The following FMN1 variants were observed in gnomAD, a reference collection of about 807,000 sequenced individuals.
FMN1 encodes the protein formin 1.
A neutral mutation model predicts 132.4 loss-of-function variants in FMN1; 110 were observed. That is an observed-to-expected ratio of 0.83 (90% CI 0.71 to 0.97). The LOEUF is 0.97. Among genes scored for constraint, FMN1 ranks in the 50% least tolerant of loss-of-function variants. FMN1 has a pLI of 0.00. For missense variants in FMN1, 1,792 were observed against 1,705.3 expected (o/e 1.05, Z -0.90); for synonymous variants, 722 against 651.7 (o/e 1.11, Z -1.64).
intron 19 of FMN1, among the ~76,000 whole-genome samples, chr15:32,784,243 T>C (rs1158523152): frequency 1.3e-5 from 2 of 152,226 alleles, no homozygotes; most frequent in Non-Finnish European, 2.9e-5. Context: ...CAAAGGTGTT[T>C]CAGGGAGAAG....
intron 16 of FMN1, among the ~76,000 whole-genome samples, chr15:32,882,063 G>A (rs1175639026): frequency 2.6e-5 from 4 of 152,182 alleles, no homozygotes; most frequent in Admixed American, 2.0e-4. Flanking sequence ...GCAGGAGGTG[G>A]AAGGAGAGAG....
At chr15:33,126,183 G>A (rs921748047) in intron 4 of FMN1, among the ~76,000 whole-genome samples, 4 of 152,020 alleles carry the variant, frequency 2.6e-5, no homozygotes, top group Non-Finnish European at 5.9e-5. Context: ...ATCCTCATTA[G>A]AGACATGGTG....
chr15:32,949,660 T>A (rs1418789847), intron 9 of FMN1, among the ~76,000 whole-genome samples: 2 of 151,694 alleles, frequency 1.3e-5, no homozygotes, highest in Non-Finnish European at 2.9e-5. Flanking sequence ...TATTTCATGA[T>A]GAAGATGCCA....
At chr15:33,184,176 T>C (rs1402385121) in intron 2 of FMN1, among the ~76,000 whole-genome samples, 2 of 152,244 alleles carry the variant, frequency 1.3e-5, no homozygotes, top group Admixed American at 6.5e-5. Flanking sequence ...GGTAGATTCA[T>C]AGAGAGACAG....
At chr15:33,108,567 A>G (rs2039575001) in intron 4 of FMN1, among the ~76,000 whole-genome samples, 1 of 152,130 alleles carries the variant, frequency 6.6e-6, no homozygotes, top group African/African-American at 2.4e-5. Flanking sequence ...AAAGAGAAAA[A>G]AAGAAGAAAG....
intron 6 of FMN1, among the ~76,000 whole-genome samples, chr15:33,051,742 T>C (rs778828379): frequency 1.3e-5 from 2 of 152,116 alleles, no homozygotes; most frequent in East Asian, 1.9e-4. Context: ...ATAAACACAC[T>C]GTACATGCAG....
rs891474878 is a variant in FMN1, at chr15:32,908,414, T to C, written c.3377+76A>G. ...CTGGCTGCACATTTAGATTTGGTTA[T>C]TCTGAGCTGGGAGACAAGAAGACAG... On this transcript the variant is annotated intron_variant, in intron 12 of 20. Coordinates refer to ENST00000616417, the MANE Select transcript of FMN1 (RefSeq NM_001277313.2). 1.2e-5 allele frequency: 11 copies of C among 951,948 alleles called. No homozygotes were observed. The African/African-American group carries it at 1.8e-4, about 15-fold the overall frequency. The allele number at this position is 951,948 out of a possible 1,614,324, so 59.0% of individuals were successfully genotyped here. A position where few individuals can be genotyped will look rare whatever the true frequency, so the allele number is the denominator to read the frequency against.
intron 4 of FMN1, among the ~76,000 whole-genome samples, chr15:33,123,056 A>G (rs1962718356): frequency 6.6e-6 from 1 of 151,386 alleles, no homozygotes; most frequent in African/African-American, 2.4e-5. Context: ...GGTTTACAGC[A>G]TCTCCACATC....
At chr15:33,018,245 T>C (rs1262488041) in intron 6 of FMN1, among the ~76,000 whole-genome samples, 2 of 152,120 alleles carry the variant, frequency 1.3e-5, no homozygotes, top group Non-Finnish European at 2.9e-5. Flanking sequence ...TGACAATTTC[T>C]AAAATCCTTA....
At chr15:32,803,715 T>G (rs1454716098) in intron 18 of FMN1, among the ~76,000 whole-genome samples, 1 of 152,156 alleles carries the variant, frequency 6.6e-6, no homozygotes, top group Non-Finnish European at 1.5e-5. Flanking sequence ...CTGCAATAAT[T>G]AGTTTGATCT....
intron 16 of FMN1, among the ~76,000 whole-genome samples, chr15:32,860,416 G>T (rs1311461573): frequency 1.3e-5 from 2 of 152,198 alleles, no homozygotes; most frequent in Non-Finnish European, 1.5e-5. Flanking sequence ...ACTTTGGGAG[G>T]CCAAGGCAGG....
At chr15:33,061,781 T>C (rs1021334142) in intron 6 of FMN1, among the ~76,000 whole-genome samples, 15 of 152,108 alleles carry the variant, frequency 9.9e-5, no homozygotes, top group African/African-American at 3.6e-4. Context: ...GAAATAATTA[T>C]TCCAAAAGTC....
At chr15:32,811,878 C>A (rs1344356122) in intron 17 of FMN1, among the ~76,000 whole-genome samples, 4 of 152,116 alleles carry the variant, frequency 2.6e-5, no homozygotes, top group Non-Finnish European at 5.9e-5. Flanking sequence ...AAACTCCTGA[C>A]CTCAAGTGAT....
intron 19 of FMN1, among the ~76,000 whole-genome samples, chr15:32,792,423 C>T (rs555594146): frequency 1.5e-4 from 23 of 151,268 alleles, no homozygotes; most frequent in African/African-American, 4.6e-4. Flanking sequence ...CCAGCCTGGG[C>T]GACAGAGCAA....
intron 7 of FMN1, among the ~76,000 whole-genome samples, chr15:32,969,848 G>C (rs2140665831): frequency 6.6e-6 from 1 of 152,180 alleles, no homozygotes; most frequent in East Asian, 1.9e-4. Context: ...TTTTCGGGTT[G>C]GTTTCAAAAA....
intron 13 of FMN1, 179 bp from the exon 14 acceptor site, chr15:32,900,304 T>G (rs1221559076): frequency 9.8e-6 from 7 of 716,330 alleles, no homozygotes; most frequent in Non-Finnish European, 1.3e-5. Context: ...ACAAACACAT[T>G]AACAGCCATT....
At chr15:32,837,050 C>A in intron 17 of FMN1, 1 of 230,834 alleles carries the variant, frequency 4.3e-6, no homozygotes, top group South Asian at 8.1e-5. Context: ...CATCTTCATC[C>A]TTCTCACTCT....
intron 17 of FMN1, among the ~76,000 whole-genome samples, chr15:32,841,662 G>A (rs2058748175): frequency 6.6e-6 from 1 of 152,098 alleles, no homozygotes; most frequent in South Asian, 2.1e-4. Context: ...ATCGCTTTGT[G>A]GAACTGGGTT....
chr15:32,884,998 CATT>C (rs1388538072), intron 16 of FMN1, among the ~76,000 whole-genome samples: 1 of 152,158 alleles, frequency 6.6e-6, no homozygotes, highest in Non-Finnish European at 1.5e-5. Context: ...ACTGTGCAGA[CATT>C]ATTTCCTATG....
Sources: allele counts gnomAD v4.1 joint callset (sites outside exome capture counted in the v4.1 genomes callset), GRCh38; gene constraint gnomAD v4.1.1; transcripts MANE v1.5; gene names NCBI Gene and HGNC (gene_info 2026-07-23, HGNC 2026-07-21).